Variants in PPM1B observed in about 807,000 individuals in gnomAD.
The protein encoded by PPM1B is protein phosphatase 1B.
A neutral mutation model predicts 43.0 loss-of-function variants in PPM1B; 22 were observed. The ratio of observed to expected loss-of-function variants is 0.51; its 90% CI spans 0.37 to 0.73. The LOEUF is 0.73. PPM1B is among the 30% of genes least tolerant of loss of function. The pLI is 0.00. For synonymous variants in PPM1B, 217 were observed against 197.9 expected (o/e 1.10, Z -0.81); for missense variants, 632 against 584.2 (o/e 1.08, Z -0.84).
chr2:44,215,041 G>A (rs562578390), intron 3 of PPM1B, among the ~76,000 whole-genome samples: 6 of 152,134 alleles, frequency 3.9e-5, no homozygotes, highest in African/African-American at 1.2e-4. Flanking sequence ...CTTCTGCATA[G>A]TTAGTAACTT....
At chr2:44,197,472 A>T (rs1302148663) in intron 1 of PPM1B, among the ~76,000 whole-genome samples, 1 of 152,224 alleles carries the variant, frequency 6.6e-6, no homozygotes, top group Non-Finnish European at 1.5e-5. Flanking sequence ...AACTAAAAAA[A>T]ACTAACATTA....
chr2:44,238,990 GGAGA>G, downstream of PPM1B, among the ~76,000 whole-genome samples: 1 of 151,314 alleles, frequency 6.6e-6, no homozygotes, highest in Non-Finnish European at 1.5e-5. Context: ...GGAGGGAGAG[GGAGA>G]GAGAGAGGAG....
Position 44,231,454 on chromosome 2 carries a change from T to A in PPM1B, c.*736T>A, listed in dbSNP as rs957137076. 19 of 974,886 alleles carry A rather than the reference T, an allele frequency of 1.9e-5. No homozygotes were observed. The highest frequency in any genetic ancestry group is 2.2e-5 in the Non-Finnish European group (18 of 820,406). 60.4% of individuals were successfully genotyped at this position (974,886 alleles called of 1,614,324 possible). A position where few individuals can be genotyped will look rare whatever the true frequency, so the allele number is the denominator to read the frequency against. The stretch of plus-strand genomic sequence containing the variant: ...TAAGTGTTTAAGTCCAAATAAAGCA[T>A]GTGATGTGGAATAATCTATGCATGT... On this transcript the variant is annotated 3_prime_UTR_variant, in exon 6 of 6. Coordinates refer to ENST00000282412, the MANE Select transcript of PPM1B (RefSeq NM_002706.6).
downstream of PPM1B, chr2:44,233,470 G>T: frequency 1.0e-6 from 1 of 984,298 alleles, no homozygotes. Context: ...AATTAATGCT[G>T]AACATGAAGA....
intron 4 of PPM1B, 21 bp downstream of exon 4, chr2:44,218,099 AT>A: frequency 6.5e-7 from 1 of 1,537,692 alleles, no homozygotes. Flanking sequence ...CAAAAAGCTA[AT>A]TTTGAGTTCG....
At chr2:44,170,948 CT>C (rs888752972) in intron 1 of PPM1B, among the ~76,000 whole-genome samples, 4 of 151,070 alleles carry the variant, frequency 2.6e-5, no homozygotes, top group East Asian at 1.9e-4. Flanking sequence ...CCTTCTTTGT[CT>C]TTTTTTTTGT....
At chr2:44,197,350 C>A (rs1426525236) in intron 1 of PPM1B, among the ~76,000 whole-genome samples, 2 of 152,146 alleles carry the variant, frequency 1.3e-5, no homozygotes, top group East Asian at 1.9e-4. Context: ...AACTCCTGGG[C>A]CCAAGTGATT....
rs1669825085 is a variant in PPM1B, at chr2:44,218,477, T to A, written c.1077-3T>A. The A allele has an allele frequency of 6.4e-7, 1 of 1,571,052 alleles. No homozygotes were observed. Among genetic ancestry groups the A allele is most frequent in the South Asian group, 1.2e-5 (1 of 84,208 alleles). On this transcript the variant is annotated splice_region_variant and splice_polypyrimidine_tract_variant and intron_variant, in intron 4 of 5. Coordinates refer to ENST00000282412, the MANE Select transcript of PPM1B (RefSeq NM_002706.6). ...AAAACTAAAGCATGTTTTTTTTTTT[T>A]AGGCGTAATGTTATTGAAGCTGTTT...
At chr2:44,246,625 T>C (rs1382068942), downstream of PPM1B, among the ~76,000 whole-genome samples, 2 of 152,204 alleles carry the variant, frequency 1.3e-5, no homozygotes, top group Admixed American at 6.5e-5. Flanking sequence ...TTCTCCAGTT[T>C]ATCTACAAGG....
At chr2:44,188,318 T>C (rs1668225064) in intron 1 of PPM1B, among the ~76,000 whole-genome samples, 1 of 152,122 alleles carries the variant, frequency 6.6e-6, no homozygotes, top group Admixed American at 6.5e-5. Context: ...AGAAGTCTTC[T>C]TTGATTTAGT....
At chr2:44,191,354 C>T (rs1020537874) in intron 1 of PPM1B, among the ~76,000 whole-genome samples, 1 of 152,020 alleles carries the variant, frequency 6.6e-6, no homozygotes, top group Non-Finnish European at 1.5e-5. Flanking sequence ...GCTGAGATTA[C>T]AGGTGCCCGC....
chr2:44,177,273 T>A (rs1387799391), intron 1 of PPM1B, among the ~76,000 whole-genome samples: 2 of 152,140 alleles, frequency 1.3e-5, no homozygotes, highest in Non-Finnish European at 2.9e-5. Context: ...TTTAAAAAAA[T>A]TATCTCTTGT....
chr2:44,244,212 C>G (rs1365294033), intron 5 of PPM1B: 1 of 1,224,000 alleles, frequency 8.2e-7, no homozygotes, highest in African/African-American at 1.6e-5. Flanking sequence ...ATTTCAATTT[C>G]TATCATATCC....
Position 44,201,898 on chromosome 2 carries a change from A to C in PPM1B, c.699A>C (p.Glu233Asp). Residue 233 changes from glutamate to aspartate, a missense_variant, in exon 2 of 6, where the codon GAA (glutamate) becomes GAC (aspartate). Glu to Asp is a conservative substitution (Grantham distance 45, BLOSUM62 2). Around this residue, in one of 3 missense-constraint regions of PPM1B, gnomAD observed 392 missense variants for 302.7 expected, o/e 1.29. Coordinates refer to ENST00000282412, the MANE Select transcript of PPM1B (RefSeq NM_002706.6). The surrounding 1 kb of genome is among the most constrained non-coding windows in gnomAD (Gnocchi z 5.4). Reference protein sequence around the residue: ...EPEVYEILRAEEDEFIILACD... With the variant: ...EPEVYEILRADEDEFIILACD... ...AGGTTTATGAAATTTTAAGAGCAGA[A>C]GAGGATGAATTTATCATCTTGGCTT... is the stretch of plus-strand genomic sequence containing the variant. The C allele has an allele frequency of 6.2e-7, 1 of 1,614,202 alleles. No homozygotes were observed. Among genetic ancestry groups the C allele is most frequent in the African/African-American group, 1.3e-5 (1 of 75,054 alleles).
chr2:44,242,949 GT>G, intron 5 of PPM1B, among the ~76,000 whole-genome samples: 1 of 152,142 alleles, frequency 6.6e-6, no homozygotes, highest in East Asian at 1.9e-4. Flanking sequence ...TGTTGTTGTT[GT>G]TTTTAAGGAA....
At chr2:44,202,417 A>T (rs972546081) in intron 2 of PPM1B, among the ~76,000 whole-genome samples, 20 of 152,222 alleles carry the variant, frequency 1.3e-4, no homozygotes, top group African/African-American at 4.8e-4. Context: ...ATATTACTAA[A>T]AGATCAAGAG....
At chr2:44,233,319 T>C (rs1670522167), downstream of PPM1B, 1 of 972,192 alleles carries the variant, frequency 1.0e-6, no homozygotes. Flanking sequence ...AGAGATATTT[T>C]CATGGGTTCA....
At chr2:44,176,694 T>G (rs961085493) in intron 1 of PPM1B, among the ~76,000 whole-genome samples, 1 of 152,212 alleles carries the variant, frequency 6.6e-6, no homozygotes, top group African/African-American at 2.4e-5. Flanking sequence ...GCATAAAAGA[T>G]CTTTCATCTT....
intron 1 of PPM1B, among the ~76,000 whole-genome samples, chr2:44,198,616 G>T (rs1383783060): frequency 6.6e-6 from 1 of 152,058 alleles, no homozygotes; most frequent in East Asian, 1.9e-4. Context: ...TTGTTCCTTG[G>T]TCCCTCAAAT....
Sources: gnomAD v4.1 joint callset for allele counts (sites outside exome capture counted in the v4.1 genomes callset) on GRCh38, gnomAD v4.1.1 for gene constraint, gnomAD v4.1.1 regional missense constraint, Gnocchi (gnomAD v3.1) non-coding constraint, MANE v1.5 for transcripts, NCBI Gene and HGNC (gene_info 2026-07-23, HGNC 2026-07-21) for gene names.